The following STK39 variants were observed in gnomAD, a reference collection of about 807,000 sequenced individuals.
The protein encoded by STK39 is STE20/SPS1-related proline-alanine-rich protein kinase.
STK39 carries 20 observed loss-of-function variants against 77.8 expected under a neutral mutation model. The observed-to-expected ratio is 0.26, with a 90% CI of 0.18 to 0.37. STK39 has a LOEUF of 0.37. Among genes scored for constraint, STK39 ranks in the 10% least tolerant of loss-of-function variants. The pLI, the probability that STK39 is intolerant of heterozygous loss-of-function variation, is 1.00. For missense variants in STK39, 479 were observed against 656.5 expected (o/e 0.73, Z 2.95); for synonymous variants, 246 against 234.1 (o/e 1.05, Z -0.47).
At chr2:168,187,857 C>A (rs1411419187) in intron 1 of STK39, among the ~76,000 whole-genome samples, 1 of 152,096 alleles carries the variant, frequency 6.6e-6, no homozygotes, top group Non-Finnish European at 1.5e-5. Context: ...GTCCAGTAAC[C>A]CCTTCCCATA....
intron 1 of STK39, among the ~76,000 whole-genome samples, chr2:168,235,239 C>A (rs1173922031): frequency 6.6e-6 from 1 of 151,970 alleles, no homozygotes; most frequent in Non-Finnish European, 1.5e-5. Flanking sequence ...GGGGTTTCAC[C>A]ATATTGGCAA....
intron 2 of STK39, among the ~76,000 whole-genome samples, chr2:168,171,476 A>AAG: frequency 1.5e-5 from 2 of 131,218 alleles, no homozygotes; most frequent in South Asian, 2.4e-4. Flanking sequence ...AAATAAAAAA[A>AAG]GGGAAAAAAA....
chr2:168,000,252 T>C (rs1336541911), intron 16 of STK39, among the ~76,000 whole-genome samples: 1 of 152,244 alleles, frequency 6.6e-6, no homozygotes, highest in Non-Finnish European at 1.5e-5. Flanking sequence ...CAGAGTTCTA[T>C]ATTTCTGACA....
At chr2:168,095,263 T>C (rs755383339) in intron 10 of STK39, among the ~76,000 whole-genome samples, 5 of 152,168 alleles carry the variant, frequency 3.3e-5, no homozygotes, top group African/African-American at 4.8e-5. Flanking sequence ...GCTTCCACAC[T>C]CTGGACTCGA....
Position 168,247,563 on chromosome 2 carries a change from T to C in STK39, c.-128A>G, listed in dbSNP as rs865796071. On this transcript the variant is annotated 5_prime_UTR_variant, in exon 1 of 18. Transcript: ENST00000355999. ...TCCCCGCCCGCCGCCGCCGCCGCCG[T>C]CCCCGCCGAAGCCAGCTAGGAGGGG... 2,308 of 113,592 alleles carry C rather than the reference T, an allele frequency of 0.02. 16 individuals carry two copies. Among genetic ancestry groups the C allele is most frequent in the African/African-American group, 0.034 (784 of 23,246 alleles). The allele number at this position is 113,592 out of a possible 1,614,324, so 7.0% of individuals were successfully genotyped here.
rs369615567 is a variant in STK39 at position 168,090,100 on chromosome 2, T to C, written c.1090-14869A>G. Among the ~76,000 whole-genome samples, 9 of 152,354 alleles carry C rather than the reference T, an allele frequency of 5.9e-5. No homozygotes were observed. The East Asian group carries it at 7.7e-4, about 13-fold the overall frequency. ...GTTCTTCTACATTCTGTCTACAGAATAATGGATACTGTTGTTTTTGTTAAG... is the reference window on the plus strand; with the variant it reads ...GTTCTTCTACATTCTGTCTACAGAACAATGGATACTGTTGTTTTTGTTAAG... On this transcript the variant is annotated intron_variant, in intron 10 of 17. Coordinates refer to ENST00000355999, the MANE Select transcript of STK39 (RefSeq NM_013233.3).
intron 17 of STK39, among the ~76,000 whole-genome samples, chr2:167,957,845 G>T (rs1239592611): frequency 6.6e-6 from 1 of 152,224 alleles, no homozygotes; most frequent in Non-Finnish European, 1.5e-5. Context: ...ACTAGAGTAG[G>T]TGATAAACCA....
chr2:168,172,929 A>G (rs1688864322), intron 2 of STK39, among the ~76,000 whole-genome samples: 1 of 152,140 alleles, frequency 6.6e-6, no homozygotes, highest in Non-Finnish European at 1.5e-5. Flanking sequence ...TCACCTGGGG[A>G]GCTTTGACAA....
In STK39 at chr2:168,047,136, A is replaced by G. The variant is rs181011641; in HGVS notation, c.1376+16364T>C. Among the ~76,000 whole-genome samples, 166 of 152,312 alleles carry G rather than the reference A, an allele frequency of 1.1e-3. 1 individual carries two copies. Among genetic ancestry groups the G allele is most frequent in the Admixed American group, 9.0e-3 (138 of 15,302 alleles). ...ATGTTGGAGAAAAGAGGTAAAAGAG[A>G]CAGAATGTTTTAAGAAATAAAAAAA... On this transcript the variant is annotated intron_variant, in intron 14 of 17. Coordinates refer to ENST00000355999, the MANE Select transcript of STK39 (RefSeq NM_013233.3).
intron 16 of STK39, among the ~76,000 whole-genome samples, chr2:167,985,996 T>C (rs1559045051): frequency 6.6e-6 from 1 of 152,160 alleles, no homozygotes; most frequent in East Asian, 1.9e-4. Flanking sequence ...TATCATAGTG[T>C]CCACAGTCAC....
chr2:168,042,437 A>G (rs1685129568), intron 14 of STK39, among the ~76,000 whole-genome samples: 1 of 152,190 alleles, frequency 6.6e-6, no homozygotes, highest in East Asian at 1.9e-4. Flanking sequence ...ATTAAAAACA[A>G]CAAAGAGATA....
At chr2:168,122,834 A>T (rs1687443632) in intron 10 of STK39, among the ~76,000 whole-genome samples, 1 of 152,190 alleles carries the variant, frequency 6.6e-6, no homozygotes, top group Non-Finnish European at 1.5e-5. Flanking sequence ...ATAAAGTATA[A>T]ATGTTTCCTT....
chr2:168,139,534 C>T (rs576204473), intron 7 of STK39, among the ~76,000 whole-genome samples: 1 of 151,914 alleles, frequency 6.6e-6, no homozygotes, highest in Admixed American at 6.6e-5. Flanking sequence ...AAACTTTCTA[C>T]AATATGAGTA....
chr2:168,148,927 G>A (rs1165748546), intron 5 of STK39, among the ~76,000 whole-genome samples: 7 of 152,158 alleles, frequency 4.6e-5, no homozygotes, highest in Non-Finnish European at 8.8e-5. Flanking sequence ...CTCCCTGCTC[G>A]TTTCCTTCTT....
At chr2:168,145,077 A>G (rs1460095214) in intron 5 of STK39, among the ~76,000 whole-genome samples, 1 of 152,136 alleles carries the variant, frequency 6.6e-6, no homozygotes, top group Non-Finnish European at 1.5e-5. Context: ...TATAACCATA[A>G]TGGTCATAGA....
chr2:168,209,702 A>T (rs1308861387), intron 1 of STK39, among the ~76,000 whole-genome samples: 1 of 151,934 alleles, frequency 6.6e-6, no homozygotes, highest in African/African-American at 2.4e-5. Context: ...GAAAAGAAAG[A>T]AACTAATGTA....
intron 12 of STK39, among the ~76,000 whole-genome samples, chr2:168,065,836 T>C (rs1160955557): frequency 1.3e-5 from 2 of 152,172 alleles, no homozygotes; most frequent in African/African-American, 4.8e-5. Flanking sequence ...CTATGAGCAA[T>C]TATTCACTGT....
intron 17 of STK39, among the ~76,000 whole-genome samples, chr2:167,956,518 C>T (rs564972656): frequency 6.7e-5 from 10 of 149,910 alleles, no homozygotes; most frequent in Middle Eastern, 3.4e-3. Flanking sequence ...GAGCCGAGAT[C>T]GTGCCACTGC....
At position 168,049,677 on chromosome 2, in the gene STK39, A is replaced by G. The variant is rs115379495; in HGVS notation, c.1376+13823T>C. Among the ~76,000 whole-genome samples, 1,498 of 152,354 alleles carry G rather than the reference A, an allele frequency of 9.8e-3. 25 individuals are homozygous for G. The highest frequency in any genetic ancestry group is 0.033 in the African/African-American group (1,369 of 41,588). On this transcript the variant is annotated intron_variant, in intron 14 of 17. Transcript: ENST00000355999. Reference sequence around the variant, plus strand: ...AAACAAGGCAGTGGGCATTTAACACACTGCCTTGCATATGAGTAGCAAGCA... The same window carrying G: ...AAACAAGGCAGTGGGCATTTAACACGCTGCCTTGCATATGAGTAGCAAGCA...
Sources: gnomAD v4.1 joint callset for allele counts (sites outside exome capture counted in the v4.1 genomes callset) on GRCh38, gnomAD v4.1.1 for gene constraint, MANE v1.5 for transcripts, NCBI Gene and HGNC (gene_info 2026-07-23, HGNC 2026-07-21) for gene names.